The following NBEAL1 variants were observed in gnomAD, a reference collection of about 807,000 sequenced individuals.
NBEAL1 encodes the protein neurobeachin-like protein 1.
NBEAL1 carries 273 observed loss-of-function variants against 351.3 expected under a neutral mutation model. The observed-to-expected ratio is 0.78, with a 90% CI of 0.70 to 0.86. The LOEUF (loss-of-function observed/expected upper bound fraction) is 0.86. Among genes scored for constraint, NBEAL1 ranks in the 40% least tolerant of loss-of-function variants. NBEAL1 has a pLI of 0.00. For missense variants in NBEAL1, 2,961 were observed against 3,201.3 expected (o/e 0.92, Z 1.81); for synonymous variants, 1,050 against 1,086.4 (o/e 0.97, Z 0.66).
intron 25 of NBEAL1, among the ~76,000 whole-genome samples, chr2:203,131,480 T>A (rs2063071456): frequency 6.6e-6 from 1 of 152,218 alleles, no homozygotes; most frequent in South Asian, 2.1e-4. Flanking sequence ...CCTCGCTAAG[T>A]GCTGGGATTA....
intron 2 of NBEAL1, among the ~76,000 whole-genome samples, chr2:203,020,146 A>G (rs900788235): frequency 1.3e-5 from 2 of 152,092 alleles, no homozygotes; most frequent in Non-Finnish European, 1.5e-5. Context: ...CATACTTACC[A>G]TTTCTTTGTG....
At chr2:203,187,502 G>A (rs980457384) in intron 44 of NBEAL1, among the ~76,000 whole-genome samples, 2 of 150,908 alleles carry the variant, frequency 1.3e-5, no homozygotes, top group African/African-American at 4.9e-5. Context: ...CACTTTGGGA[G>A]GCCAAGGCGG....
chr2:203,081,301 TA>T (rs1390732123), intron 8 of NBEAL1, among the ~76,000 whole-genome samples: 1 of 152,216 alleles, frequency 6.6e-6, no homozygotes. Flanking sequence ...TGTGTTATGT[TA>T]AAAACAAAGA....
intron 7 of NBEAL1, among the ~76,000 whole-genome samples, chr2:203,073,535 G>A (rs754504835): frequency 6.6e-6 from 1 of 152,096 alleles, no homozygotes; most frequent in South Asian, 2.1e-4. Context: ...CAGCTACTTA[G>A]GAGGCTGAGG....
Position 203,217,551 on chromosome 2 carries a change from G to A in NBEAL1, c.*197G>A. 5.9e-6 allele frequency: 7 copies of A among 1,182,842 alleles called. No homozygotes were observed. The highest frequency in any genetic ancestry group is 6.3e-6 in the Non-Finnish European group (6 of 954,996). 73.3% of individuals were successfully genotyped at this position (1,182,842 alleles called of 1,614,324 possible). ...GTATTTGAGAAAATACATTTGATTT[G>A]ATTTTGTGGCCCATTCCTAAAGGTC... On this transcript the variant is annotated 3_prime_UTR_variant, in exon 56 of 56. Coordinates refer to ENST00000683969, the MANE Select transcript of NBEAL1 (RefSeq NM_001378026.1).
At chr2:203,175,093 C>T in intron 41 of NBEAL1, 54 bp from the exon 42 acceptor site, 1 of 1,417,648 alleles carries the variant, frequency 7.1e-7, no homozygotes, top group African/African-American at 1.4e-5. Flanking sequence ...AACTTATGCC[C>T]CCTTATGTAC....
intron 47 of NBEAL1, 104 bp from the exon 48 acceptor site, chr2:203,197,198 A>C (rs780528274): frequency 4.9e-6 from 3 of 616,248 alleles, no homozygotes; most frequent in Non-Finnish European, 8.7e-6. Context: ...AGAGAGTAAA[A>C]TGATGTATCA....
At chr2:203,109,311 A>G (rs2062508926) in intron 14 of NBEAL1, among the ~76,000 whole-genome samples, 1 of 152,170 alleles carries the variant, frequency 6.6e-6, no homozygotes. Context: ...GTGAGCTGAG[A>G]TCGCACCACT....
chr2:203,213,312 G>A (rs1043909336), intron 54 of NBEAL1, among the ~76,000 whole-genome samples: 1 of 152,056 alleles, frequency 6.6e-6, no homozygotes, highest in African/African-American at 2.4e-5. Context: ...GTCAAAAATA[G>A]AGAAAAAAAT....
chr2:203,142,348 A>G (rs186086325), intron 31 of NBEAL1, among the ~76,000 whole-genome samples: 61 of 152,068 alleles, frequency 4.0e-4, no homozygotes, highest in Middle Eastern at 3.4e-3. Context: ...TAGAGATGGC[A>G]TTTCGCCATG....
chr2:203,190,177 C>CGT (rs1240576429), intron 45 of NBEAL1, 115 bp from the exon 46 acceptor site: 3 of 42,738 alleles, frequency 7.0e-5, no homozygotes, highest in Admixed American at 3.4e-4. Flanking sequence ...CACACACACA[C>CGT]ACACACACAC....
Position 203,224,862 on chromosome 2 carries a change from A to T in NBEAL1, c.*7508A>T, listed in dbSNP as rs191163141. 7.7e-4 allele frequency among the ~76,000 whole-genome samples: 117 copies of T among 152,282 alleles called. 1 individual carries two copies. The highest frequency in any genetic ancestry group is 7.5e-3 in the Admixed American group (115 of 15,302). The stretch of plus-strand genomic sequence containing the variant: ...TAATAAAGATGTATAAATAATTTTG[A>T]TTATTCTCATTGTAGTTAAGTTACT... On this transcript the variant is annotated 3_prime_UTR_variant, in exon 56 of 56. Coordinates refer to ENST00000683969, the MANE Select transcript of NBEAL1 (RefSeq NM_001378026.1).
At chr2:203,146,134 A>G (rs2106341233) in intron 33 of NBEAL1, among the ~76,000 whole-genome samples, 1 of 152,268 alleles carries the variant, frequency 6.6e-6, no homozygotes, top group African/African-American at 2.4e-5. Context: ...CATAAATATG[A>G]CAACTTAAAT....
chr2:203,131,841 TACTA>T (rs1260086306), intron 25 of NBEAL1, 128 bp from the exon 26 acceptor site: 5 of 588,816 alleles, frequency 8.5e-6, no homozygotes, highest in Non-Finnish European at 1.4e-5. Flanking sequence ...TAGCAATACT[TACTA>T]ACATTAAATA....
chr2:203,036,980 G>C (rs1262870435), intron 2 of NBEAL1, among the ~76,000 whole-genome samples: 1 of 149,122 alleles, frequency 6.7e-6, no homozygotes, highest in Non-Finnish European at 1.5e-5. Context: ...ATGGATAAAT[G>C]AATGAATAAA....
Position 203,114,558 on chromosome 2 carries a change from A to C in NBEAL1, c.2506+1240A>C, listed in dbSNP as rs563561189. Among the ~76,000 whole-genome samples the C allele has an allele frequency of 2.0e-5, 3 of 152,252 alleles. No individual in the cohort carries two copies. In the East Asian group the frequency reaches 5.8e-4, roughly 29 times the overall value. On this transcript the variant is annotated intron_variant, in intron 17 of 55. Coordinates refer to ENST00000683969, the MANE Select transcript of NBEAL1 (RefSeq NM_001378026.1). ...TATGTACTAATAGTTATTGGATCCT[A>C]ACTACTTTCAAAATTATATGTATAT...
chr2:203,045,985 T>C (rs1019581219), intron 3 of NBEAL1, among the ~76,000 whole-genome samples: 1 of 152,218 alleles, frequency 6.6e-6, no homozygotes, highest in Non-Finnish European at 1.5e-5. Context: ...ATTAACCTTC[T>C]GGTTTGAGAC....
intron 35 of NBEAL1, among the ~76,000 whole-genome samples, chr2:203,154,609 T>G (rs1188308841): frequency 6.6e-6 from 1 of 152,196 alleles, no homozygotes; most frequent in Non-Finnish European, 1.5e-5. Flanking sequence ...AAAATATTAT[T>G]TTGGATGGAA....
intron 27 of NBEAL1, among the ~76,000 whole-genome samples, chr2:203,133,715 A>ATG (rs976927442): frequency 6.6e-6 from 1 of 150,938 alleles, no homozygotes; most frequent in African/African-American, 2.4e-5. Context: ...ATATATATAT[A>ATG]TATATATGTG....
Sources: gnomAD v4.1 joint callset for allele counts (sites outside exome capture counted in the v4.1 genomes callset) on GRCh38, gnomAD v4.1.1 for gene constraint, MANE v1.5 for transcripts, NCBI Gene and HGNC (gene_info 2026-07-23, HGNC 2026-07-21) for gene names.